Variants in NAV2 observed in about 807,000 individuals in gnomAD.
The protein encoded by NAV2 is neuron navigator 2.
In NAV2, 54 loss-of-function variants were observed where a neutral mutation model predicts 223.2. That is an observed-to-expected ratio of 0.24 (90% CI 0.19 to 0.30). The LOEUF (loss-of-function observed/expected upper bound fraction) is 0.30, where lower values mean the gene tolerates loss of function less well. Among genes scored for constraint, NAV2 ranks in the 10% least tolerant of loss-of-function variants. NAV2 has a pLI of 1.00. For missense variants in NAV2, 2,806 were observed against 3,147.5 expected (o/e 0.89, Z 2.60); for synonymous variants, 1,279 against 1,239.3 (o/e 1.03, Z -0.67).
chr11:19,930,291 A>C (rs553899143), intron 6 of NAV2, among the ~76,000 whole-genome samples: 1 of 152,276 alleles, frequency 6.6e-6, no homozygotes, highest in African/African-American at 2.4e-5. Flanking sequence ...TAGTTGGTTA[A>C]TTTCTAGCTG....
At chr11:19,588,417 G>C (rs1268998011) in intron 1 of NAV2, among the ~76,000 whole-genome samples, 1 of 152,206 alleles carries the variant, frequency 6.6e-6, no homozygotes, top group Non-Finnish European at 1.5e-5. Flanking sequence ...GACCCAGCTT[G>C]TGAGCCAACC....
rs958125847 is a variant in NAV2, at chr11:19,771,589, AC to A, written c.267+57635del. Among the ~76,000 whole-genome samples the A allele has an allele frequency of 2.7e-5, 4 of 149,356 alleles. No individual in the cohort carries two copies. The South Asian group carries it at 8.7e-4, about 33-fold the overall frequency. On this transcript the variant is annotated intron_variant, in intron 1 of 37. Transcript: ENST00000349880. ...CCCAGAAATTCTTGACCCTCATCTG[AC>A]CCCCCCCATTAGAAGGAAGAAAGTA...
intron 1 of NAV2, among the ~76,000 whole-genome samples, chr11:19,351,400 G>A (rs1013325523): frequency 5.3e-5 from 8 of 152,156 alleles, no homozygotes; most frequent in South Asian, 4.1e-4. Flanking sequence ...TCCTGACAGC[G>A]GAGGTTTTGT....
chr11:19,348,350 G>A (rs1853113677), upstream of NAV2, among the ~76,000 whole-genome samples: 1 of 152,120 alleles, frequency 6.6e-6, no homozygotes, highest in Non-Finnish European at 1.5e-5. Flanking sequence ...TATTATTCAT[G>A]AGGAGGGCCA....
intron 2 of NAV2, among the ~76,000 whole-genome samples, chr11:19,840,148 T>G (rs1448851723): frequency 6.6e-6 from 1 of 152,216 alleles, no homozygotes; most frequent in Non-Finnish European, 1.5e-5. Context: ...TTTTGTAATT[T>G]TATTAATTAT....
chr11:19,724,370 A>G (rs1000301638), intron 1 of NAV2, among the ~76,000 whole-genome samples: 2 of 152,234 alleles, frequency 1.3e-5, no homozygotes, highest in East Asian at 3.9e-4. Context: ...TCTTTTTTTA[A>G]GAGACTGGGT....
intron 1 of NAV2, chr11:19,507,295 C>G (rs115853480): frequency 1.5e-4 from 23 of 152,298 alleles, no homozygotes; most frequent in Middle Eastern, 3.4e-3. Context: ...GCAGGGCCAG[C>G]TGTTGTTTCA....
rs556846876 is a variant in NAV2, at chr11:19,872,331, A to C, written c.511+3334A>C. Among the ~76,000 whole-genome samples the C allele has an allele frequency of 1.3e-4, 20 of 152,176 alleles. No homozygotes were observed. In the South Asian group the frequency reaches 3.9e-3, roughly 30 times the overall value. Reference sequence around the variant, plus strand: ...GGTCAGTATTAGTATTATCCCCCTCATGCAGATGAGCAAACCAAGGCCCAA... The same window carrying C: ...GGTCAGTATTAGTATTATCCCCCTCCTGCAGATGAGCAAACCAAGGCCCAA... On this transcript the variant is annotated intron_variant, in intron 4 of 37. Transcript: ENST00000349880.
intron 1 of NAV2, among the ~76,000 whole-genome samples, chr11:19,413,278 A>G (rs533807237): frequency 6.6e-6 from 1 of 152,312 alleles, no homozygotes; most frequent in Admixed American, 6.5e-5. Flanking sequence ...CGTGAAGCAT[A>G]AACAAGTATC....
In NAV2 at chr11:20,045,546, G is replaced by A. The variant is rs796159832; in HGVS notation, c.3778G>A (p.Glu1260Lys). The change falls in exon 14 of 38, where the codon GAG becomes AAG. Residue 1260 changes from glutamate to lysine, a missense_variant. By Grantham distance (56) the Glu-to-Lys change is moderately conservative. Transcript: ENST00000349880. ...GGAGAAAGGCATCTCATCAGACAAC[G>A]AGAGTGTGGCTTCCTGTAACTCGGT... is the stretch of plus-strand genomic sequence containing the variant. ...DKEKGISSDN[E>K]SVASCNSVKV... 6 of 1,614,042 alleles carry A rather than the reference G, an allele frequency of 3.7e-6. No individual in the cohort carries two copies. Among genetic ancestry groups the A allele is most frequent in the African/African-American group, 2.7e-5 (2 of 74,922 alleles).
At chr11:19,859,034 A>T (rs938081670) in intron 3 of NAV2, among the ~76,000 whole-genome samples, 1 of 151,976 alleles carries the variant, frequency 6.6e-6, no homozygotes, top group Non-Finnish European at 1.5e-5. Flanking sequence ...CATGTTACAG[A>T]TGACAAATCT....
chr11:19,537,274 CAAT>C (rs57609185), intron 1 of NAV2, among the ~76,000 whole-genome samples: 11,238 of 152,034 alleles, frequency 0.074, 1,410 homozygotes, highest in African/African-American at 0.26. Context: ...CAACTAATAA[CAAT>C]AATAATAATA....
chr11:19,413,616 A>G (rs1219262460), intron 1 of NAV2, among the ~76,000 whole-genome samples: 2 of 152,180 alleles, frequency 1.3e-5, no homozygotes, highest in African/African-American at 4.8e-5. Context: ...CCCAAAACAC[A>G]TAATCATCAA....
intron 10 of NAV2, among the ~76,000 whole-genome samples, chr11:19,978,497 A>G (rs1412130064): frequency 6.6e-6 from 1 of 152,198 alleles, no homozygotes; most frequent in Non-Finnish European, 1.5e-5. Flanking sequence ...GGAATATTAC[A>G]CACACATTTG....
intron 12 of NAV2, among the ~76,000 whole-genome samples, chr11:20,037,169 A>C: frequency 2.0e-5 from 3 of 148,046 alleles, no homozygotes; most frequent in African/African-American, 7.4e-5. Flanking sequence ...CCCACCCCCC[A>C]TCTTTGGCGA....
At chr11:19,580,568 G>A (rs1028453495) in intron 1 of NAV2, among the ~76,000 whole-genome samples, 4 of 152,202 alleles carry the variant, frequency 2.6e-5, no homozygotes, top group Middle Eastern at 3.4e-3. Context: ...TGCCACATTG[G>A]GGGTTAAATT....
chr11:19,386,117 T>C (rs61878092), intron 1 of NAV2, among the ~76,000 whole-genome samples: 5,930 of 152,316 alleles, frequency 0.039, 152 homozygotes, highest in Non-Finnish European at 0.062. Context: ...CTTAAATTAA[T>C]GCAGTCTTAA....
intron 8 of NAV2, among the ~76,000 whole-genome samples, chr11:19,943,920 G>A (rs183973103): frequency 2.0e-4 from 30 of 147,156 alleles, no homozygotes; most frequent in African/African-American, 5.3e-4. Context: ...GAACTAGGCC[G>A]TGTGTGGTGG....
intron 1 of NAV2, among the ~76,000 whole-genome samples, chr11:19,644,039 G>A (rs979826657): frequency 6.6e-6 from 1 of 150,928 alleles, no homozygotes; most frequent in Non-Finnish European, 1.5e-5. Context: ...CTGTGCGTAT[G>A]TGTCTGTGTA....
Sources: gnomAD v4.1 joint callset for allele counts (sites outside exome capture counted in the v4.1 genomes callset) on GRCh38, gnomAD v4.1.1 for gene constraint, MANE v1.5 for transcripts, NCBI Gene and HGNC (gene_info 2026-07-23, HGNC 2026-07-21) for gene names.